The following NRG1 variants were observed in gnomAD, a reference collection of about 807,000 sequenced individuals.
NRG1 encodes the protein neuregulin 1.
Under a neutral mutation model 63.8 loss-of-function variants are expected in NRG1, and 18 were observed. The ratio of observed to expected loss-of-function variants is 0.28; its 90% CI spans 0.19 to 0.42. NRG1 has a LOEUF of 0.42. Among genes scored for constraint, NRG1 ranks in the 10% least tolerant of loss-of-function variants. NRG1 has a pLI of 1.00. For missense variants in NRG1, 762 were observed against 814.7 expected, an observed-to-expected ratio of 0.94 and a Z score of 0.79; for synonymous variants, 302 against 301.3, an observed-to-expected ratio of 1.00 and a Z score of -0.02.
At chr8:32,467,015 C>T (rs1437212717) in intron 1 of NRG1, among the ~76,000 whole-genome samples, 1 of 152,064 alleles carries the variant, frequency 6.6e-6, no homozygotes, top group Non-Finnish European at 1.5e-5. Flanking sequence ...CTCCCATCAC[C>T]TTTACTGATA....
intron 6 of NRG1, among the ~76,000 whole-genome samples, chr8:32,731,265 C>T (rs980903540): frequency 6.6e-6 from 1 of 152,140 alleles, no homozygotes. Flanking sequence ...TAAGCCTAAT[C>T]CAGTAGTAAA....
At chr8:32,747,713 T>C (rs1827715813) in intron 7 of NRG1, among the ~76,000 whole-genome samples, 1 of 144,470 alleles carries the variant, frequency 6.9e-6, no homozygotes, top group African/African-American at 2.6e-5. Flanking sequence ...TATGTGTTTG[T>C]GTGCATATAT....
At chr8:32,249,208 A>T (rs1203720650) in intron 1 of NRG1, among the ~76,000 whole-genome samples, 2 of 152,090 alleles carry the variant, frequency 1.3e-5, no homozygotes, top group East Asian at 1.9e-4. Flanking sequence ...CCTCCTGAGT[A>T]GCTAAGGTTG....
At chr8:32,404,607 T>C (rs778333017) in intron 1 of NRG1, among the ~76,000 whole-genome samples, 38 of 135,824 alleles carry the variant, frequency 2.8e-4, no homozygotes, top group Non-Finnish European at 4.3e-4. Flanking sequence ...TTTTTTTTAA[T>C]GGAGTCTTGC....
chr8:32,290,928 C>A (rs184707170), intron 1 of NRG1, among the ~76,000 whole-genome samples: 37 of 146,432 alleles, frequency 2.5e-4, no homozygotes, highest in Admixed American at 8.2e-4. Context: ...TGTGTGTGTG[C>A]ATGCATTTGT....
At chr8:32,709,656 A>T (rs1196707008) in intron 5 of NRG1, among the ~76,000 whole-genome samples, 1 of 152,034 alleles carries the variant, frequency 6.6e-6, no homozygotes, top group Non-Finnish European at 1.5e-5. Flanking sequence ...CCTAGGCTCA[A>T]GCAATCCTCC....
chr8:32,077,588 T>C (rs1826787444), intron 1 of NRG1, among the ~76,000 whole-genome samples: 1 of 152,202 alleles, frequency 6.6e-6, no homozygotes, highest in Non-Finnish European at 1.5e-5. Flanking sequence ...TGATCATGTA[T>C]TGCTTTTGAA....
chr8:32,175,907 CA>C (rs1440005437), intron 1 of NRG1, among the ~76,000 whole-genome samples: 1 of 152,098 alleles, frequency 6.6e-6, no homozygotes, highest in Non-Finnish European at 1.5e-5. Context: ...GCCATACTGC[CA>C]AAGGTAATTT....
At chr8:31,834,315 A>ACACACG (rs1825485614) in intron 1 of NRG1, among the ~76,000 whole-genome samples, 1 of 133,094 alleles carries the variant, frequency 7.5e-6, no homozygotes, top group Non-Finnish European at 1.6e-5. Context: ...GCGCACACAC[A>ACACACG]CACACACACA....
rs182912784 is a variant in NRG1, at chr8:32,708,103, A to G, written c.503-19846A>G. ...ACTTAACATAATCCAAAAGACTCCT[A>G]ATTAAGTTTTCCTTTCCTAACTTAT... On this transcript the variant is annotated intron_variant, in intron 5 of 11. Coordinates refer to ENST00000356819, the Ensembl canonical transcript of NRG1. 2.6e-3 allele frequency among the ~76,000 whole-genome samples: 308 copies of G among 118,158 alleles called. 2 individuals carry two copies. Among genetic ancestry groups the G allele is most frequent in the African/African-American group, 7.5e-3 (293 of 39,234 alleles). 77.5% of individuals were successfully genotyped at this position (118,158 alleles called of 152,430 possible). A position where few individuals can be genotyped will look rare whatever the true frequency, so the allele number is the denominator to read the frequency against.
intron 11 of NRG1, among the ~76,000 whole-genome samples, chr8:32,761,981 G>C (rs1277423471): frequency 1.4e-5 from 2 of 142,226 alleles, no homozygotes; most frequent in Non-Finnish European, 3.0e-5. Context: ...GGAGGCTGCA[G>C]TGAGCTGAGA....
chr8:31,999,018 G>A (rs1484949505), intron 1 of NRG1, among the ~76,000 whole-genome samples: 8 of 151,710 alleles, frequency 5.3e-5, no homozygotes, highest in Non-Finnish European at 7.4e-5. Context: ...GGTATACTTC[G>A]TAAAATCAGA....
chr8:32,390,579 G>A (rs1188500303), intron 1 of NRG1, among the ~76,000 whole-genome samples: 2 of 141,478 alleles, frequency 1.4e-5, no homozygotes, highest in African/African-American at 5.3e-5. Context: ...TTCCAGCCTG[G>A]GCAACAGAGC....
chr8:32,760,259 C>T (rs1480673877), exon 11 of NRG1: 1 of 1,613,946 alleles, frequency 6.2e-7, no homozygotes, highest in African/African-American at 1.3e-5. Context: ...ATCGTGATGT[C>T]ATCCGTAGAA....
At chr8:32,331,172 T>C (rs1272726432) in intron 1 of NRG1, among the ~76,000 whole-genome samples, 1 of 152,052 alleles carries the variant, frequency 6.6e-6, no homozygotes, top group African/African-American at 2.4e-5. Flanking sequence ...TCTTACTACT[T>C]TTTCCAGTTT....
At chr8:32,590,801 T>G (rs1228511877) in intron 1 of NRG1, among the ~76,000 whole-genome samples, 2 of 152,158 alleles carry the variant, frequency 1.3e-5, no homozygotes, top group African/African-American at 2.4e-5. Context: ...GAAAATTGAC[T>G]CATTATGGAT....
intron 1 of NRG1, among the ~76,000 whole-genome samples, chr8:31,757,097 C>A (rs756897116): frequency 4.6e-5 from 7 of 152,152 alleles, no homozygotes; most frequent in Non-Finnish European, 1.0e-4. Context: ...AATAAAGCCA[C>A]ATCTCTGGGA....
chr8:31,745,312 C>T (rs1398832433), intron 1 of NRG1, among the ~76,000 whole-genome samples: 1 of 151,908 alleles, frequency 6.6e-6, no homozygotes, highest in Non-Finnish European at 1.5e-5. Flanking sequence ...TTGAGGATAT[C>T]TGATGAGTTC....
chr8:31,756,568 C>A (rs1310804976), intron 1 of NRG1, among the ~76,000 whole-genome samples: 1 of 152,110 alleles, frequency 6.6e-6, no homozygotes, highest in Admixed American at 6.6e-5. Flanking sequence ...CACAACTGTG[C>A]CTCCTTCCAA....
Sources: gnomAD v4.1 joint callset for allele counts (sites outside exome capture counted in the v4.1 genomes callset) on GRCh38, gnomAD v4.1.1 for gene constraint, MANE v1.5 for transcripts, NCBI Gene and HGNC (gene_info 2026-07-23, HGNC 2026-07-21) for gene names.